The following CEP164 variants were observed in gnomAD, a reference collection of about 807,000 sequenced individuals.
CEP164 encodes centrosomal protein of 164 kDa.
Under a neutral mutation model 182.7 loss-of-function variants are expected in CEP164, and 162 were observed. That is an observed-to-expected ratio of 0.89 (90% CI 0.78 to 1.01). CEP164 has a LOEUF of 1.01. Among genes scored for constraint, CEP164 ranks in the 50% least tolerant of loss-of-function variants. The pLI is 0.00. For missense variants in CEP164, 1,735 were observed against 1,790.4 expected (o/e 0.97, Z 0.56); for synonymous variants, 661 against 690.0 (o/e 0.96, Z 0.66).
intron 4 of CEP164, among the ~76,000 whole-genome samples, chr11:117,351,053 A>G (rs1483720252): frequency 6.6e-6 from 1 of 151,882 alleles, no homozygotes; most frequent in Non-Finnish European, 1.5e-5. Flanking sequence ...TTTTTTTGAG[A>G]TGGAGTTTCG....
At chr11:117,380,488 G>T (rs563778967) in intron 11 of CEP164, 126 bp from the exon 12 acceptor site, 2 of 720,234 alleles carry the variant, frequency 2.8e-6, no homozygotes, top group Admixed American at 2.3e-5. Flanking sequence ...TCTACGTCCC[G>T]TATGGTCCCA....
chr11:117,354,727 T>A (rs1422491882), intron 5 of CEP164, among the ~76,000 whole-genome samples: 1 of 151,344 alleles, frequency 6.6e-6, no homozygotes, highest in East Asian at 1.9e-4. Context: ...ATTTTTTAGT[T>A]TTTTAATTTT....
chr11:117,409,352 G>A lies in CEP164; in HGVS notation c.3749-266G>A. The A allele has an allele frequency of 1.8e-6, 1 of 571,128 alleles. No homozygotes were observed. Among genetic ancestry groups the A allele is most frequent in the East Asian group, 2.8e-5 (1 of 35,218 alleles). The allele number at this position is 571,128 out of a possible 1,614,324, so 35.4% of individuals were successfully genotyped here. A position where few individuals can be genotyped will look rare whatever the true frequency, so the allele number is the denominator to read the frequency against. ...GCCCTGGCCTGTATGTGACAGAAGG[G>A]CCCTCTCCCCTTCCTTCTCTCTGGG... On this transcript the variant is annotated intron_variant, in intron 29 of 32. Coordinates refer to ENST00000278935, the MANE Select transcript of CEP164 (RefSeq NM_014956.5). This position sits in a 1 kb window ranked among gnomAD's most constrained non-coding sequence, Gnocchi z 4.4.
At chr11:117,328,351 C>G (rs1323506509) in intron 1 of CEP164, 5 of 152,284 alleles carry the variant, frequency 3.3e-5, no homozygotes, top group African/African-American at 1.2e-4. Flanking sequence ...CCCCCGGGTC[C>G]AAATCCGGGG....
chr11:117,325,446 C>T (rs570723491), upstream of CEP164, among the ~76,000 whole-genome samples: 10 of 151,762 alleles, frequency 6.6e-5, no homozygotes, highest in South Asian at 2.1e-4. Context: ...AGTGCAATGG[C>T]GAGATCTCGG....
At position 117,338,811 on chromosome 11, in the gene CEP164, G is replaced by A; in HGVS notation, c.82+143G>A. 1.1e-5 allele frequency: 7 copies of A among 645,216 alleles called. No homozygotes were observed. The South Asian group carries it at 1.2e-4, about 11-fold the overall frequency. The allele number at this position is 645,216 out of a possible 1,614,324, so 40.0% of individuals were successfully genotyped here. A position where few individuals can be genotyped will look rare whatever the true frequency, so the allele number is the denominator to read the frequency against. ...TATATTCGGGTTAGATCAAATGTGA[G>A]CCTACCTTGGCCTCTTGCCTGTTTT... On this transcript the variant is annotated intron_variant, in intron 3 of 32. Coordinates refer to ENST00000278935, the MANE Select transcript of CEP164 (RefSeq NM_014956.5).
intron 8 of CEP164, among the ~76,000 whole-genome samples, chr11:117,365,603 G>T (rs10790179): frequency 0.2 from 30,879 of 151,778 alleles, 3,206 homozygotes; most frequent in Admixed American, 0.25. Context: ...TTTAGATGAA[G>T]TCTCTCACTC....
chr11:117,381,969 G>T, intron 13 of CEP164, 101 bp downstream of exon 13: 1 of 1,107,466 alleles, frequency 9.0e-7, no homozygotes. Flanking sequence ...GGGTGGGGTT[G>T]GCTTGGGGAG....
At chr11:117,355,057 CTA>C in intron 5 of CEP164, 2 of 1,289,718 alleles carry the variant, frequency 1.6e-6, no homozygotes, top group Non-Finnish European at 2.0e-6. Flanking sequence ...GTGAGGGATC[CTA>C]TAACAAAGGA....
intron 4 of CEP164, among the ~76,000 whole-genome samples, chr11:117,348,247 C>T (rs912747522): frequency 7.2e-5 from 11 of 152,112 alleles, no homozygotes; most frequent in African/African-American, 2.7e-4. Flanking sequence ...GTTGGGGTTA[C>T]AGGCATGAGC....
rs754944303 is a variant in CEP164 at position 117,387,317 on chromosome 11, C to T, written c.1839C>T (p.Ser613=). 5.0e-6 allele frequency: 8 copies of T among 1,614,180 alleles called. No individual in the cohort carries two copies. Among genetic ancestry groups the T allele is most frequent in the Non-Finnish European group, 6.8e-6 (8 of 1,180,014 alleles). ...LEQDQRHLLE[S]KQEKMQQLRE... ...AAGACCAGAGGCACCTGCTGGAATC[C>T]AAGCAAGAGAAGATGCAGCAACTGC... The change falls in exon 15 of 33, where the codon TCC becomes TCT. Residue 613 remains serine, a synonymous_variant. Transcript: ENST00000278935.
Position 117,351,926 on chromosome 11 carries a change from A to G in CEP164, c.331A>G (p.Lys111Glu). Residue 111 changes from lysine (K) to glutamate (E), a missense_variant, in exon 5 of 33, where the codon AAG becomes GAG. By Grantham distance (56) the Lys-to-Glu change is moderately conservative (BLOSUM62 1). Transcript: ENST00000278935. Reference sequence around the variant, plus strand: ...GCTGTCAACTTCTGGGGCCATTAAGAAGAAGAAAAAAAAAAAGGAAAAGAA... The same window carrying G: ...GCTGTCAACTTCTGGGGCCATTAAGGAGAAGAAAAAAAAAAAGGAAAAGAA... ...AKLSTSGAIK[K>E]KKKKKEKKDK... The G allele has an allele frequency of 1.2e-6, 2 of 1,613,166 alleles. No individual in the cohort carries two copies. Among genetic ancestry groups the G allele is most frequent in the Non-Finnish European group, 1.7e-6 (2 of 1,179,694 alleles).
At chr11:117,356,234 G>T in intron 5 of CEP164, 1 of 1,099,960 alleles carries the variant, frequency 9.1e-7, no homozygotes, top group Non-Finnish European at 1.1e-6. Context: ...CTACTCTGAG[G>T]ACCAGAGGTT....
chr11:117,353,803 G>A (rs1175512920), intron 5 of CEP164, among the ~76,000 whole-genome samples: 1 of 152,138 alleles, frequency 6.6e-6, no homozygotes, highest in Non-Finnish European at 1.5e-5. Flanking sequence ...TTGTAGAGGA[G>A]TGGTTGATTT....
At chr11:117,329,589 T>C (rs768066078) in intron 1 of CEP164, among the ~76,000 whole-genome samples, 1 of 152,224 alleles carries the variant, frequency 6.6e-6, no homozygotes, top group South Asian at 2.1e-4. Flanking sequence ...TCGCCCAGGC[T>C]GGAGTGCAGT....
intron 27 of CEP164, among the ~76,000 whole-genome samples, chr11:117,403,114 G>A (rs537155344): frequency 1.5e-4 from 23 of 152,180 alleles, no homozygotes; most frequent in Non-Finnish European, 2.6e-4. Flanking sequence ...GGTCTTGACT[G>A]TTTATGCAGT....
At chr11:117,393,155 GCACACACATGCA>G (rs747130548) in intron 20 of CEP164, 29 bp downstream of exon 20, 36 of 1,603,286 alleles carry the variant, frequency 2.2e-5, no homozygotes, top group Non-Finnish European at 3.0e-5. Context: ...CTGCGCGCAT[GCACACACATGCA>G]CACACACATG....
chr11:117,355,621 G>A lies in CEP164; in HGVS notation c.393+3633G>A, dbSNP rs1417359127. 7.5e-6 allele frequency: 9 copies of A among 1,198,020 alleles called. No homozygotes were observed. The East Asian group carries it at 5.2e-4, about 69-fold the overall frequency. The allele number at this position is 1,198,020 out of a possible 1,614,324, so 74.2% of individuals were successfully genotyped here. On this transcript the variant is annotated intron_variant, in intron 5 of 32. Transcript: ENST00000278935. Reference sequence around the variant, plus strand: ...TGCCTGCCAGGAAGAGCAAGTTGTTGTTAGATAGCAGCCCTACTGAAGACC... The same window carrying A: ...TGCCTGCCAGGAAGAGCAAGTTGTTATTAGATAGCAGCCCTACTGAAGACC...
chr11:117,351,029 C>CT (rs896966368), intron 4 of CEP164, among the ~76,000 whole-genome samples: 13 of 151,904 alleles, frequency 8.6e-5, no homozygotes, highest in East Asian at 5.8e-4. Context: ...ATTATTACTT[C>CT]TTTTTTTTGT....
Sources: gnomAD v4.1 joint callset for allele counts (sites outside exome capture counted in the v4.1 genomes callset) on GRCh38, gnomAD v4.1.1 for gene constraint, Gnocchi (gnomAD v3.1) non-coding constraint, MANE v1.5 for transcripts, NCBI Gene and HGNC (gene_info 2026-07-23, HGNC 2026-07-21) for gene names.